Variants in ZFAND3 observed in about 807,000 individuals in gnomAD.
ZFAND3 encodes the protein AN1-type zinc finger protein 3.
Under a neutral mutation model 29.6 loss-of-function variants are expected in ZFAND3, and 10 were observed. That is an observed-to-expected ratio of 0.34 (90% confidence interval 0.21 to 0.57). The LOEUF is 0.57. ZFAND3 is among the 20% of genes least tolerant of loss of function. ZFAND3 has a pLI of 0.86. For synonymous variants in ZFAND3, 128 were observed against 112.6 expected (o/e 1.14, Z -0.87); for missense variants, 230 against 304.5 (o/e 0.76, Z 1.82).
chr6:37,954,903 C>T (rs1762058940), intron 2 of ZFAND3, among the ~76,000 whole-genome samples: 1 of 152,192 alleles, frequency 6.6e-6, no homozygotes, highest in Non-Finnish European at 1.5e-5. Flanking sequence ...TCAACCTTGC[C>T]TTGTGGGAAC....
At chr6:38,025,566 T>G (rs1477232464) in intron 2 of ZFAND3, among the ~76,000 whole-genome samples, 1 of 152,198 alleles carries the variant, frequency 6.6e-6, no homozygotes, top group Non-Finnish European at 1.5e-5. Context: ...TTATGCTGAA[T>G]TAGTGGTATT....
At chr6:38,098,515 T>C (rs918996557) in intron 4 of ZFAND3, among the ~76,000 whole-genome samples, 2 of 151,964 alleles carry the variant, frequency 1.3e-5, no homozygotes, top group East Asian at 1.9e-4. Flanking sequence ...TTTTTTTTTT[T>C]TTTGAGACAG....
intron 2 of ZFAND3, among the ~76,000 whole-genome samples, chr6:37,971,003 T>C (rs1762378329): frequency 6.6e-6 from 1 of 152,246 alleles, no homozygotes; most frequent in African/African-American, 2.4e-5. Context: ...CTTTCTGTGA[T>C]GATCCTTGTT....
intron 1 of ZFAND3, among the ~76,000 whole-genome samples, chr6:37,874,212 C>T (rs1227693013): frequency 1.3e-5 from 2 of 152,272 alleles, no homozygotes; most frequent in East Asian, 3.9e-4. Flanking sequence ...GTATCTGTCT[C>T]TGTGTACTAA....
intron 3 of ZFAND3, among the ~76,000 whole-genome samples, chr6:38,071,162 GTTTC>G (rs1424550689): frequency 1.3e-5 from 2 of 151,660 alleles, no homozygotes; most frequent in Non-Finnish European, 2.9e-5. Context: ...TATATTGCCA[GTTTC>G]TTTTGGTATG....
intron 2 of ZFAND3, among the ~76,000 whole-genome samples, chr6:38,028,224 A>G (rs1763485353): frequency 6.6e-6 from 1 of 152,108 alleles, no homozygotes; most frequent in African/African-American, 2.4e-5. Flanking sequence ...AAGAGTACTC[A>G]TGTTATGTGG....
chr6:38,042,877 G>A (rs944042081), intron 2 of ZFAND3, among the ~76,000 whole-genome samples: 6 of 151,996 alleles, frequency 3.9e-5, no homozygotes, highest in Non-Finnish European at 7.4e-5. Flanking sequence ...GGTGGGAGAC[G>A]TTTCCCTTTT....
At chr6:37,936,238 A>T (rs1293985850) in intron 2 of ZFAND3, among the ~76,000 whole-genome samples, 1 of 152,200 alleles carries the variant, frequency 6.6e-6, no homozygotes, top group Non-Finnish European at 1.5e-5. Context: ...GAACTGACTG[A>T]AGTAACTCCT....
rs1766288297 is a variant in ZFAND3 at position 38,153,819 on chromosome 6, T to C, written c.*1430T>C. The C allele has an allele frequency of 2.0e-6, 2 of 985,496 alleles. No homozygotes were observed. Among genetic ancestry groups the C allele is most frequent in the South Asian group, 4.7e-5 (1 of 21,286 alleles). The allele number at this position is 985,496 out of a possible 1,614,324, so 61.0% of individuals were successfully genotyped here. ...GTCCTAGTGCCGCATCAGATCCAGG[T>C]GGGTGAGGGCAGGAGGCCCCTGCGG... On this transcript the variant is annotated 3_prime_UTR_variant, in exon 6 of 6. Transcript: ENST00000287218.
chr6:38,004,078 A>G (rs980676804), intron 2 of ZFAND3, among the ~76,000 whole-genome samples: 2 of 152,148 alleles, frequency 1.3e-5, no homozygotes, highest in African/African-American at 4.8e-5. Context: ...TCAGCTTTCT[A>G]GGTTTTACAG....
intron 5 of ZFAND3, among the ~76,000 whole-genome samples, chr6:38,144,434 A>G (rs992367532): frequency 4.6e-5 from 7 of 152,034 alleles, no homozygotes; most frequent in African/African-American, 1.7e-4. Context: ...GCTCATGTGC[A>G]TCCACAGGAA....
intron 5 of ZFAND3, among the ~76,000 whole-genome samples, chr6:38,122,778 A>C (rs1156233738): frequency 1.3e-5 from 2 of 152,262 alleles, no homozygotes; most frequent in Non-Finnish European, 2.9e-5. Context: ...TATAGGTATA[A>C]GGTATAAGCC....
intron 5 of ZFAND3, among the ~76,000 whole-genome samples, chr6:38,136,105 G>C (rs1195564415): frequency 1.3e-5 from 2 of 152,204 alleles, no homozygotes; most frequent in Non-Finnish European, 2.9e-5. Context: ...GCATTGACCT[G>C]AGAGAGGTGT....
At position 38,153,606 on chromosome 6, in the gene ZFAND3, C is replaced by T. The variant is rs893403478; in HGVS notation, c.*1217C>T. 10 of 985,412 alleles carry T rather than the reference C, an allele frequency of 1.0e-5. No homozygotes were observed. The highest frequency in any genetic ancestry group is 1.2e-5 in the Non-Finnish European group (10 of 830,038). 61.0% of individuals were successfully genotyped at this position (985,412 alleles called of 1,614,324 possible). The stretch of plus-strand genomic sequence containing the variant: ...TAGGTGAGGGCCTGAGGGTACATTT[C>T]TCCACCTGTGCCCCCTCATGTTCAC... On this transcript the variant is annotated 3_prime_UTR_variant, in exon 6 of 6. Coordinates refer to ENST00000287218, the MANE Select transcript of ZFAND3 (RefSeq NM_021943.3).
At chr6:37,945,315 G>A (rs1326357247) in intron 2 of ZFAND3, among the ~76,000 whole-genome samples, 1 of 152,150 alleles carries the variant, frequency 6.6e-6, no homozygotes, top group Non-Finnish European at 1.5e-5. Context: ...GGGCTTGGGG[G>A]AAACTATATG....
At chr6:37,925,153 A>G (rs1488654336) in intron 1 of ZFAND3, among the ~76,000 whole-genome samples, 2 of 152,172 alleles carry the variant, frequency 1.3e-5, no homozygotes, top group Non-Finnish European at 2.9e-5. Context: ...AGTGTTAAGC[A>G]AGAAAATAAC....
chr6:37,968,435 C>T (rs1762328747), intron 2 of ZFAND3, among the ~76,000 whole-genome samples: 1 of 151,152 alleles, frequency 6.6e-6, no homozygotes, highest in Non-Finnish European at 1.5e-5. Context: ...AACCAGACCA[C>T]CTGACAGAGG....
At chr6:38,031,308 T>TTTA (rs920887611) in intron 2 of ZFAND3, among the ~76,000 whole-genome samples, 1 of 152,206 alleles carries the variant, frequency 6.6e-6, no homozygotes, top group African/African-American at 2.4e-5. Flanking sequence ...TCCTCAATAC[T>TTTA]TAATAAAGTT....
chr6:38,092,001 T>G (rs1288875371), intron 4 of ZFAND3, among the ~76,000 whole-genome samples: 1 of 152,106 alleles, frequency 6.6e-6, no homozygotes, highest in Non-Finnish European at 1.5e-5. Flanking sequence ...ATTCTCTGTT[T>G]TCCTGCTTGC....
Sources: allele counts gnomAD v4.1 joint callset (sites outside exome capture counted in the v4.1 genomes callset), GRCh38; gene constraint gnomAD v4.1.1; transcripts MANE v1.5; gene names NCBI Gene and HGNC (gene_info 2026-07-23, HGNC 2026-07-21).